Variants in DNAJC27 observed in about 807,000 individuals in gnomAD.
The protein encoded by DNAJC27 is DnaJ heat shock protein family (Hsp40) member C27.
A neutral mutation model predicts 31.4 loss-of-function variants in DNAJC27; 25 were observed. That is an observed-to-expected ratio of 0.80 (90% CI 0.58 to 1.11). The LOEUF (loss-of-function observed/expected upper bound fraction) is 1.11, where lower values mean the gene tolerates loss of function less well. Among genes scored for constraint, DNAJC27 ranks in the 50% most tolerant of loss-of-function variants. The probability of loss-of-function intolerance (pLI) is 0.00; values close to 1 mark genes in which losing one functional copy is unlikely to be tolerated. For synonymous variants in DNAJC27, 106 were observed against 112.7 expected, an observed-to-expected ratio of 0.94 and a Z score of 0.37; for missense variants, 356 against 347.3, an observed-to-expected ratio of 1.02 and a Z score of -0.20.
chr2:24,963,396 C>CG lies in DNAJC27; in HGVS notation c.240+8_240+9insC. On this transcript the variant is annotated intron_variant, in intron 3 of 6. Transcript: ENST00000264711. ...CTGGATATAGGTTTTGTCAAAAAGG[C>CG]TTTCTTACCTCATAGAAGAAGGGAT... 3 of 1,611,944 alleles carry CG rather than the reference C, an allele frequency of 1.9e-6. No individual in the cohort carries two copies. Among genetic ancestry groups the CG allele is most frequent in the Non-Finnish European group, 2.5e-6 (3 of 1,178,452 alleles).
At position 24,954,451 on chromosome 2, in the gene DNAJC27, A is replaced by G. The variant is rs576834457; in HGVS notation, c.528+2592T>C. ...CAAAACCTAAAACCAAGAGCTGACA[A>G]GATCTGCAAAAGAGACAGAATTTGG... On this transcript the variant is annotated intron_variant, in intron 5 of 6. Transcript: ENST00000264711. 1.5e-4 allele frequency among the ~76,000 whole-genome samples: 23 copies of G among 152,362 alleles called. 2 individuals carry two copies. In the South Asian group the frequency reaches 4.8e-3, roughly 32 times the overall value.
At position 24,971,811 on chromosome 2, in the gene DNAJC27, T is replaced by C; in HGVS notation, c.87+7A>G. 6.2e-7 allele frequency: 1 copy of C among 1,605,374 alleles called. No individual in the cohort carries two copies. Among genetic ancestry groups the C allele is most frequent in the Non-Finnish European group, 8.5e-7 (1 of 1,176,920 alleles). On this transcript the variant is annotated splice_region_variant and intron_variant, in intron 1 of 6. Coordinates refer to ENST00000264711, the MANE Select transcript of DNAJC27 (RefSeq NM_016544.3). Reference sequence around the variant, plus strand: ...GGGGCCCGCCCCTCCCGGCTCGCTGTACTCACTTTCCCCACTTCGGCGTTG... The same window carrying C: ...GGGGCCCGCCCCTCCCGGCTCGCTGCACTCACTTTCCCCACTTCGGCGTTG...
At chr2:24,963,933 C>T (rs974048710) in intron 2 of DNAJC27, among the ~76,000 whole-genome samples, 6 of 152,180 alleles carry the variant, frequency 3.9e-5, no homozygotes, top group Admixed American at 6.5e-5. Flanking sequence ...GTTTAATTTT[C>T]TTGTGATCTT....
At chr2:24,971,514 A>C in intron 1 of DNAJC27, 3 of 227,774 alleles carry the variant, frequency 1.3e-5, no homozygotes, top group Non-Finnish European at 2.6e-5. Context: ...CGGGCAAGGT[A>C]TCTAGGCCGA....
intron 3 of DNAJC27, 146 bp downstream of exon 3, chr2:24,963,259 T>G: frequency 1.9e-6 from 1 of 514,550 alleles, no homozygotes; most frequent in Non-Finnish European, 3.4e-6. Flanking sequence ...GTCTATTAAC[T>G]CAAGGCTCTG....
intron 1 of DNAJC27, among the ~76,000 whole-genome samples, chr2:24,970,555 C>A (rs1666304529): frequency 6.6e-6 from 1 of 150,598 alleles, no homozygotes; most frequent in Non-Finnish European, 1.5e-5. Context: ...GCCTCTGCCT[C>A]CCCGGCTTAA....
intron 3 of DNAJC27, among the ~76,000 whole-genome samples, chr2:24,960,535 C>T (rs1666014291): frequency 6.6e-6 from 1 of 152,172 alleles, no homozygotes; most frequent in Non-Finnish European, 1.5e-5. Context: ...AGGCCAAAAG[C>T]TGGGCCTTTT....
At chr2:24,957,325 A>G (rs1157283522) in intron 4 of DNAJC27, among the ~76,000 whole-genome samples, 160 bp from the exon 5 acceptor site, 1 of 152,194 alleles carries the variant, frequency 6.6e-6, no homozygotes, top group Non-Finnish European at 1.5e-5. Context: ...GACAGAAACA[A>G]AACTTAATAT....
Position 24,947,714 on chromosome 2 carries a change from C to G in DNAJC27, c.724G>C (p.Val242Leu). 1 of 1,613,566 alleles carries G rather than the reference C, an allele frequency of 6.2e-7. No homozygotes were observed. Among genetic ancestry groups the G allele is most frequent in the Non-Finnish European group, 8.5e-7 (1 of 1,179,510 alleles). Residue 242 changes from valine (V) to leucine (L), a missense_variant, in exon 7 of 7, where the codon GTG becomes CTG. Transcript: ENST00000264711. ...ACACATTTGTCAGGGTGAAGAAGCA[C>G]AGCAAGTTTCCGATACGCTTTATTG... ...EVNKAYRKLAVLLHPDKCVAP... is the reference protein window; with the variant it reads ...EVNKAYRKLALLLHPDKCVAP...
intron 5 of DNAJC27, 124 bp downstream of exon 5, chr2:24,956,919 C>A: frequency 8.6e-7 from 1 of 1,169,336 alleles, no homozygotes; most frequent in Non-Finnish European, 1.2e-6. Flanking sequence ...TCACTAGATT[C>A]TTTGAAAAGA....
At chr2:24,970,697 C>T (rs925574144) in intron 1 of DNAJC27, among the ~76,000 whole-genome samples, 4 of 151,378 alleles carry the variant, frequency 2.6e-5, no homozygotes, top group Admixed American at 1.3e-4. Context: ...TCAAGTGATC[C>T]GCCCGCCTCG....
At chr2:24,959,824 T>C (rs181728244) in intron 3 of DNAJC27, among the ~76,000 whole-genome samples, 33 of 152,334 alleles carry the variant, frequency 2.2e-4, no homozygotes, top group Non-Finnish European at 4.0e-4. Flanking sequence ...TGGAGTACCA[T>C]ACTGTTTTGT....
chr2:24,967,872 C>A (rs938663197), intron 1 of DNAJC27, among the ~76,000 whole-genome samples: 2 of 151,972 alleles, frequency 1.3e-5, no homozygotes, highest in Non-Finnish European at 2.9e-5. Flanking sequence ...ATGCTTTCAA[C>A]GATACCACCA....
intron 5 of DNAJC27, among the ~76,000 whole-genome samples, chr2:24,954,881 A>G (rs1031079116): frequency 6.6e-6 from 1 of 152,206 alleles, no homozygotes; most frequent in African/African-American, 2.4e-5. Context: ...GCTTGCCATG[A>G]GCCGAGATTG....
In DNAJC27 at chr2:24,967,258, G is replaced by C. The variant is rs6749438; in HGVS notation, c.123C>G (p.Phe41Leu). 5.6e-6 allele frequency: 9 copies of C among 1,613,306 alleles called. No individual in the cohort carries two copies. The African/African-American group carries it at 9.3e-5, about 17-fold the overall frequency. ...CIIKRYCEKR[F>L]VSKYLATIGI... ...CAATTGTTGCCAGGTATTTAGACAC[G>C]AATCTTTTCTCACAGTATCGCTTTA... The change falls in exon 2 of 7, where the codon TTC (phenylalanine) becomes TTG (leucine). Residue 41 changes from phenylalanine to leucine, a missense_variant. Coordinates refer to ENST00000264711, the MANE Select transcript of DNAJC27 (RefSeq NM_016544.3).
At chr2:24,953,397 T>C (rs1665829691) in intron 5 of DNAJC27, among the ~76,000 whole-genome samples, 1 of 152,218 alleles carries the variant, frequency 6.6e-6, no homozygotes, top group Non-Finnish European at 1.5e-5. Context: ...AGCTTGGCTT[T>C]AGTCTGTCTT....
chr2:24,966,841 T>C (rs908023186), intron 2 of DNAJC27, among the ~76,000 whole-genome samples: 1 of 152,232 alleles, frequency 6.6e-6, no homozygotes, highest in African/African-American at 2.4e-5. Flanking sequence ...ACAATATTTA[T>C]AGACTTTTTA....
At chr2:24,956,310 T>C (rs1665903383) in intron 5 of DNAJC27, among the ~76,000 whole-genome samples, 5 of 152,220 alleles carry the variant, frequency 3.3e-5, no homozygotes, top group Admixed American at 3.3e-4. Context: ...TCCAAATGTA[T>C]CTATAATTAA....
At chr2:24,961,604 A>G (rs1227880198) in intron 3 of DNAJC27, among the ~76,000 whole-genome samples, 2 of 152,030 alleles carry the variant, frequency 1.3e-5, no homozygotes, top group Admixed American at 1.3e-4. Context: ...TCAAAGTATC[A>G]ACCTTAACAA....
Sources: allele counts gnomAD v4.1 joint callset (sites outside exome capture counted in the v4.1 genomes callset), GRCh38; gene constraint gnomAD v4.1.1; transcripts MANE v1.5; gene names NCBI Gene and HGNC (gene_info 2026-07-23, HGNC 2026-07-21).